The following PTPN3 variants were observed in gnomAD, a reference collection of about 807,000 sequenced individuals.
PTPN3 encodes tyrosine-protein phosphatase non-receptor type 3.
A neutral mutation model predicts 132.7 loss-of-function variants in PTPN3; 96 were observed. That is an observed-to-expected ratio of 0.72 (90% CI 0.61 to 0.86). The LOEUF (loss-of-function observed/expected upper bound fraction) is 0.86, where lower values mean the gene tolerates loss of function less well. Ranked by LOEUF, PTPN3 falls within the 40% of genes least tolerant of loss-of-function variation. The pLI is 0.00. For missense variants in PTPN3, 1,125 were observed against 1,159.6 expected, an observed-to-expected ratio of 0.97 and a Z score of 0.43; for synonymous variants, 398 against 429.0, an observed-to-expected ratio of 0.93 and a Z score of 0.89.
intron 1 of PTPN3, among the ~76,000 whole-genome samples, chr9:109,470,027 G>A (rs1003652668): frequency 1.3e-5 from 2 of 151,268 alleles, no homozygotes; most frequent in Admixed American, 1.3e-4. Context: ...TCAGGAAAGC[G>A]CCTTCTTCCC....
At chr9:109,438,291 T>G (rs1352240567) in intron 7 of PTPN3, 57 bp from the exon 8 acceptor site, 1 of 1,547,478 alleles carries the variant, frequency 6.5e-7, no homozygotes, top group African/African-American at 1.4e-5. Context: ...TAATATGGTT[T>G]GCATTTATAA....
rs181549735 is a variant in PTPN3 at position 109,390,784 on chromosome 9, T to C, written c.2106+354A>G. Among the ~76,000 whole-genome samples, 25 of 152,044 alleles carry C rather than the reference T, an allele frequency of 1.6e-4. No homozygotes were observed. In the Middle Eastern group the frequency reaches 0.01, roughly 62 times the overall value. ...TTCTCATTTTTTTTTTAAGGCAGGATGACACTCATTACATGGAGAGAAATA... is the reference window on the plus strand; with the variant it reads ...TTCTCATTTTTTTTTTAAGGCAGGACGACACTCATTACATGGAGAGAAATA... On this transcript the variant is annotated intron_variant, in intron 21 of 25. Coordinates refer to ENST00000374541, the MANE Select transcript of PTPN3 (RefSeq NM_002829.4).
At chr9:109,478,738 G>T (rs1204913188) in intron 1 of PTPN3, among the ~76,000 whole-genome samples, 1 of 152,200 alleles carries the variant, frequency 6.6e-6, no homozygotes, top group East Asian at 1.9e-4. Flanking sequence ...CAATGGAAAA[G>T]ATGAAATTAA....
At chr9:109,474,490 T>C (rs879394543) in intron 1 of PTPN3, among the ~76,000 whole-genome samples, 10 of 152,132 alleles carry the variant, frequency 6.6e-5, no homozygotes, top group Non-Finnish European at 1.5e-4. Context: ...AGGAGGGCTC[T>C]GGATCCACCA....
chr9:109,389,709 CG>C (rs1839904263), intron 21 of PTPN3, among the ~76,000 whole-genome samples: 1 of 152,142 alleles, frequency 6.6e-6, no homozygotes, highest in South Asian at 2.1e-4. Flanking sequence ...CATTTTCAGC[CG>C]TATGTACCAA....
chr9:109,509,715 C>A, the PTPN3 span, among the ~76,000 whole-genome samples: 1 of 152,176 alleles, frequency 6.6e-6, no homozygotes. Flanking sequence ...AGCACATATT[C>A]AAATGCCAAT....
chr9:109,429,814 T>C (rs1038782780), intron 10 of PTPN3, among the ~76,000 whole-genome samples: 1 of 152,190 alleles, frequency 6.6e-6, no homozygotes, highest in Non-Finnish European at 1.5e-5. Flanking sequence ...AAAGGGTGCA[T>C]ATTTCTCTGC....
At chr9:109,451,235 T>A in intron 5 of PTPN3, 1 of 983,896 alleles carries the variant, frequency 1.0e-6, no homozygotes, top group Non-Finnish European at 1.2e-6. Flanking sequence ...AAAATATATA[T>A]ATATATCTGG....
In PTPN3 at chr9:109,448,817, T is replaced by A. The variant is rs753825128; in HGVS notation, c.407A>T (p.Glu136Val). 1.9e-6 allele frequency: 3 copies of A among 1,599,398 alleles called. No homozygotes were observed. The South Asian group carries it at 3.4e-5, about 18-fold the overall frequency. ...YFLQLKMDIC[E>V]GRLTCPLNSA... ...AATGTAAAATTCTCATTACCTTCCT[T>A]CGCAAATATCCATCTTCAGTTGTAA... The change falls in exon 6 of 26, where the codon GAA (glutamate) becomes GTA (valine). Residue 136 changes from glutamate (E) to valine (V), a missense_variant. By Grantham distance (121) the Glu-to-Val change is moderately radical (BLOSUM62 -2). Coordinates refer to ENST00000374541, the MANE Select transcript of PTPN3 (RefSeq NM_002829.4).
intron 18 of PTPN3, 38 bp downstream of exon 18, chr9:109,406,424 C>A: frequency 6.2e-7 from 1 of 1,602,060 alleles, no homozygotes; most frequent in South Asian, 1.1e-5. Context: ...TTGGCTAGGA[C>A]AGCTTCCCTA....
the PTPN3 span, among the ~76,000 whole-genome samples, chr9:109,520,696 T>C: frequency 3.9e-5 from 6 of 152,220 alleles, no homozygotes; most frequent in African/African-American, 1.4e-4. Context: ...GTTATAGCAC[T>C]GTCCGTGGCC....
At chr9:109,384,294 T>A (rs1393488819) in intron 22 of PTPN3, among the ~76,000 whole-genome samples, 1 of 152,204 alleles carries the variant, frequency 6.6e-6, no homozygotes, top group Non-Finnish European at 1.5e-5. Flanking sequence ...CAAATCGAGA[T>A]GAATACCTTT....
chr9:109,377,501 G>A lies in PTPN3; in HGVS notation c.*2055C>T, dbSNP rs772369319. ...TGTGCCTATAGTCCCGGCTACTCAG[G>A]AGGCTGAGGTGCGAGGATTGCTTGA... is the stretch of plus-strand genomic sequence containing the variant. On this transcript the variant is annotated 3_prime_UTR_variant, in exon 26 of 26. Transcript: ENST00000374541. 5.7e-4 allele frequency: 87 copies of A among 152,582 alleles called. No homozygotes were observed. The highest frequency in any genetic ancestry group is 3.3e-3 in the Middle Eastern group (1 of 300). 9.5% of individuals were successfully genotyped at this position (152,582 alleles called of 1,614,324 possible). A position where few individuals can be genotyped will look rare whatever the true frequency, so the allele number is the denominator to read the frequency against.
Position 109,480,666 on chromosome 9 carries a change from CTT to C in PTPN3, c.-17-17217_-17-17216del, listed in dbSNP as rs139859387. Reference sequence around the variant, plus strand: ...TCTAGGAGTTTTATGGCTTTAGGGTCTTTTATTAAGGTCATTGATCCATTTTG... The same window carrying C: ...TCTAGGAGTTTTATGGCTTTAGGGTCTTATTAAGGTCATTGATCCATTTTG... On this transcript the variant is annotated intron_variant, in intron 1 of 25. Transcript: ENST00000374541. 6.6e-3 allele frequency among the ~76,000 whole-genome samples: 1,008 copies of C among 152,114 alleles called. 11 individuals carry two copies. The highest frequency in any genetic ancestry group is 0.022 in the African/African-American group (922 of 41,478).
upstream of PTPN3, among the ~76,000 whole-genome samples, chr9:109,501,819 GA>G: frequency 1.3e-5 from 2 of 152,282 alleles, no homozygotes; most frequent in South Asian, 4.1e-4. Context: ...CAACATGATG[GA>G]ACCACCTGGT....
In PTPN3 at chr9:109,379,642, GA is replaced by G. The variant is rs779649838; in HGVS notation, c.2665-10del. On this transcript the variant is annotated splice_polypyrimidine_tract_variant and intron_variant, in intron 25 of 25. Coordinates refer to ENST00000374541, the MANE Select transcript of PTPN3 (RefSeq NM_002829.4). ...ACAAACTTGTACTGGCTCTGGAAAA[GA>G]AAAAAATGCTGTCAAGTCCTGTAGC... The G allele has an allele frequency of 1.6e-5, 26 of 1,611,822 alleles. No individual in the cohort carries two copies. In the Middle Eastern group the frequency reaches 4.9e-4, roughly 31 times the overall value.
chr9:109,476,283 G>T (rs1846662147), intron 1 of PTPN3, among the ~76,000 whole-genome samples: 1 of 151,612 alleles, frequency 6.6e-6, no homozygotes, highest in Non-Finnish European at 1.5e-5. Flanking sequence ...CTTCTAAAAG[G>T]CATGCCAAAA....
chr9:109,517,484 C>T, the PTPN3 span, among the ~76,000 whole-genome samples: 1 of 152,324 alleles, frequency 6.6e-6, no homozygotes, highest in Middle Eastern at 3.4e-3. Context: ...CCGTCCAAAG[C>T]GCCTGTTCAA....
chr9:109,461,705 T>G (rs1261268606), intron 2 of PTPN3, among the ~76,000 whole-genome samples: 1 of 151,396 alleles, frequency 6.6e-6, no homozygotes, highest in Non-Finnish European at 1.5e-5. Context: ...TGCAGTGAGC[T>G]GGGATTACAC....
Sources: gnomAD v4.1 joint callset for allele counts (sites outside exome capture counted in the v4.1 genomes callset) on GRCh38, gnomAD v4.1.1 for gene constraint, MANE v1.5 for transcripts, NCBI Gene and HGNC (gene_info 2026-07-23, HGNC 2026-07-21) for gene names.